Variants in ABCB9 observed in about 807,000 individuals in gnomAD.
ABCB9 encodes ABC-type oligopeptide transporter ABCB9.
A neutral mutation model predicts 62.0 loss-of-function variants in ABCB9; 36 were observed. The ratio of observed to expected loss-of-function variants is 0.58; its 90% CI spans 0.45 to 0.77. The LOEUF is 0.77. ABCB9 is among the 30% of genes least tolerant of loss of function. The pLI, the probability that ABCB9 is intolerant of heterozygous loss-of-function variation, is 0.00. For synonymous variants in ABCB9, 435 were observed against 461.4 expected (o/e 0.94, Z 0.73); for missense variants, 943 against 1,054.7 (o/e 0.89, Z 1.47).
At chr12:122,966,580 G>A, upstream of ABCB9, 1 of 151,896 alleles carries the variant, frequency 6.6e-6, no homozygotes, top group Non-Finnish European at 1.5e-5. Context: ...AGGAGGAGTG[G>A]GCGGGCTTTC....
intron 2 of ABCB9, among the ~76,000 whole-genome samples, chr12:122,954,453 C>G (rs560283908): frequency 1.6e-4 from 24 of 152,150 alleles, no homozygotes; most frequent in African/African-American, 5.1e-4. Context: ...GGTGATCTGC[C>G]CCCCCTTGCT....
At chr12:122,950,652 A>G in intron 2 of ABCB9, 87 bp from the exon 3 acceptor site, 1 of 1,069,506 alleles carries the variant, frequency 9.4e-7, no homozygotes, top group Non-Finnish European at 1.4e-6. Flanking sequence ...CCACACACCA[A>G]CCCCTCTGCC....
intron 7 of ABCB9, among the ~76,000 whole-genome samples, chr12:122,941,218 T>C (rs541325323): frequency 6.6e-6 from 1 of 151,802 alleles, no homozygotes; most frequent in South Asian, 2.1e-4. Context: ...GTGGGTGCCA[T>C]CATCCCCACA....
At chr12:122,937,919 T>C (rs1217846739) in intron 9 of ABCB9, among the ~76,000 whole-genome samples, 1 of 152,228 alleles carries the variant, frequency 6.6e-6, no homozygotes, top group Non-Finnish European at 1.5e-5. Flanking sequence ...GTTCCTTTCC[T>C]GAAAGGATTA....
At chr12:122,956,100 G>T (rs1398952056) in intron 2 of ABCB9, among the ~76,000 whole-genome samples, 1 of 152,174 alleles carries the variant, frequency 6.6e-6, no homozygotes, top group African/African-American at 2.4e-5. Context: ...GCTTCCTAAG[G>T]AGGGGACTTT....
chr12:122,959,876 G>T lies in ABCB9; in HGVS notation c.360C>A (p.Phe120Leu). Residue 120 changes from phenylalanine (F) to leucine (L), a missense_variant, in exon 2 of 12, where the codon TTC becomes TTA. Transcript: ENST00000280560. The surrounding 1 kb of genome is among the most constrained non-coding windows in gnomAD (Gnocchi z 5.4). ...CGCCGAGTGAAATGTACGTCCACAC[G>T]AACAGGGCCCAAAACCAGGGGTCCC... The part of the protein sequence containing the change: ...PIRDPWFWAL[F>L]VWTYISLGAS... 1 of 1,613,542 alleles carries T rather than the reference G, an allele frequency of 6.2e-7. No individual in the cohort carries two copies. Among genetic ancestry groups the T allele is most frequent in the Non-Finnish European group, 8.5e-7 (1 of 1,179,890 alleles).
At chr12:122,948,557 C>A in intron 5 of ABCB9, 67 bp downstream of exon 5, 3 of 1,442,038 alleles carry the variant, frequency 2.1e-6, no homozygotes, top group Non-Finnish European at 2.8e-6. Flanking sequence ...CCCCCTGAGC[C>A]CCTCCTAAGG....
At chr12:122,925,804 C>T (rs879693599), downstream of ABCB9, among the ~76,000 whole-genome samples, 1 of 152,186 alleles carries the variant, frequency 6.6e-6, no homozygotes, top group Non-Finnish European at 1.5e-5. Context: ...GCACTAATAG[C>T]AGTACTATTC....
intron 5 of ABCB9, chr12:122,948,369 A>G (rs1420105499): frequency 7.8e-6 from 3 of 384,344 alleles, no homozygotes; most frequent in Non-Finnish European, 9.4e-6. Context: ...GGTACCTAGT[A>G]TCTGTCTCTG....
intron 7 of ABCB9, among the ~76,000 whole-genome samples, chr12:122,943,479 C>T (rs1478363638): frequency 6.6e-6 from 1 of 152,158 alleles, no homozygotes; most frequent in African/African-American, 2.4e-5. Flanking sequence ...GCCCCGTTCC[C>T]GAGCAAATGT....
intron 1 of ABCB9, chr12:122,973,270 A>G (rs2037303914): frequency 6.6e-6 from 1 of 152,356 alleles, no homozygotes; most frequent in African/African-American, 2.4e-5. Flanking sequence ...TCCCGTTTCT[A>G]CTAAAAATAC....
chr12:122,929,906 C>T lies in ABCB9; in HGVS notation c.*5G>A, dbSNP rs1385195914. 21 of 1,527,430 alleles carry T rather than the reference C, an allele frequency of 1.4e-5. No homozygotes were observed. Among genetic ancestry groups the T allele is most frequent in the Non-Finnish European group, 1.8e-5 (21 of 1,135,890 alleles). 94.6% of individuals were successfully genotyped at this position (1,527,430 alleles called of 1,614,324 possible). ...TGCCCCACCGGGAGAAGCAGGGGCC[C>T]CCCATCAGGCCTTGTGACTGCCGTT... On this transcript the variant is annotated 3_prime_UTR_variant, in exon 12 of 12. Coordinates refer to ENST00000280560, the MANE Select transcript of ABCB9 (RefSeq NM_019625.4). This position sits in a 1 kb window ranked among gnomAD's most constrained non-coding sequence, Gnocchi z 6.0.
intron 2 of ABCB9, among the ~76,000 whole-genome samples, chr12:122,956,907 C>T (rs1411752407): frequency 6.6e-6 from 1 of 152,210 alleles, no homozygotes; most frequent in Non-Finnish European, 1.5e-5. Flanking sequence ...ATCTGCCCAC[C>T]TCGGCCTCCC....
downstream of ABCB9, among the ~76,000 whole-genome samples, chr12:122,928,478 A>T (rs1265209050): frequency 6.6e-6 from 1 of 152,004 alleles, no homozygotes; most frequent in African/African-American, 2.4e-5. Context: ...CAAAAAAAAA[A>T]AAAAAAATTG....
intron 2 of ABCB9, among the ~76,000 whole-genome samples, chr12:122,955,675 C>G (rs1030545094): frequency 3.3e-5 from 5 of 152,162 alleles, no homozygotes; most frequent in Non-Finnish European, 5.9e-5. Flanking sequence ...AGCCACTGTG[C>G]CCAGCATAAA....
chr12:122,969,863 A>G (rs1292444552), upstream of ABCB9, among the ~76,000 whole-genome samples: 1 of 152,194 alleles, frequency 6.6e-6, no homozygotes, highest in Non-Finnish European at 1.5e-5. Flanking sequence ...TGACAACACC[A>G]AATGCTGTCA....
intron 4 of ABCB9, chr12:122,949,433 T>C (rs1025798131): frequency 8.6e-6 from 2 of 231,986 alleles, no homozygotes; most frequent in African/African-American, 2.2e-5. Context: ...TTGTGGCCCC[T>C]GGCCCTCACC....
At chr12:122,968,742 G>A (rs1267460822), upstream of ABCB9, among the ~76,000 whole-genome samples, 1 of 148,812 alleles carries the variant, frequency 6.7e-6, no homozygotes, top group East Asian at 2.0e-4. Flanking sequence ...AGCCTCCCGA[G>A]TAGTTGGGAT....
Position 122,959,627 on chromosome 12 carries a change from T to G in ABCB9, c.601+8A>C. 2 of 1,537,634 alleles carry G rather than the reference T, an allele frequency of 1.3e-6. No homozygotes were observed. The highest frequency in any genetic ancestry group is 1.3e-5 in the South Asian group (1 of 79,822). Reference sequence around the variant, plus strand: ...TGGTGGCCACATGTCCCCGAGGTCCTTACTTACCCAGAGCTGCCACGATGA... The same window carrying G: ...TGGTGGCCACATGTCCCCGAGGTCCGTACTTACCCAGAGCTGCCACGATGA... On this transcript the variant is annotated splice_region_variant and intron_variant, in intron 2 of 11. Transcript: ENST00000280560. The surrounding 1 kb of genome is among the most constrained non-coding windows in gnomAD (Gnocchi z 5.4).
Sources: gnomAD v4.1 joint callset for allele counts (sites outside exome capture counted in the v4.1 genomes callset) on GRCh38, gnomAD v4.1.1 for gene constraint, Gnocchi (gnomAD v3.1) non-coding constraint, MANE v1.5 for transcripts, NCBI Gene and HGNC (gene_info 2026-07-23, HGNC 2026-07-21) for gene names.